The following QKI variants were observed in gnomAD, a reference collection of about 807,000 sequenced individuals.
The protein encoded by QKI is QKI, KH domain containing RNA binding.
A neutral mutation model predicts 39.0 loss-of-function variants in QKI; 10 were observed. That is an observed-to-expected ratio of 0.26 (90% CI 0.16 to 0.43). The LOEUF is 0.43. QKI is among the 20% of genes least tolerant of loss of function. The pLI, the probability that QKI is intolerant of heterozygous loss-of-function variation, is 1.00. For missense variants in QKI, 218 were observed against 428.0 expected, an observed-to-expected ratio of 0.51 and a Z score of 4.33; for synonymous variants, 204 against 155.4, an observed-to-expected ratio of 1.31 and a Z score of -2.33.
chr6:163,542,028 A>G (rs1160159137), intron 4 of QKI, among the ~76,000 whole-genome samples: 2 of 152,088 alleles, frequency 1.3e-5, no homozygotes, highest in Non-Finnish European at 2.9e-5. Context: ...CCCAAAAGGC[A>G]CCATACCAGG....
chr6:163,474,678 C>T (rs1792452119), intron 2 of QKI, among the ~76,000 whole-genome samples: 1 of 149,954 alleles, frequency 6.7e-6, no homozygotes, highest in Non-Finnish European at 1.5e-5. Context: ...AATCCTAGCT[C>T]TTTGGGAGGC....
At chr6:163,455,246 G>T (rs1355618504) in intron 1 of QKI, 33 bp from the exon 2 acceptor site, 3 of 1,564,538 alleles carry the variant, frequency 1.9e-6, no homozygotes, top group Admixed American at 1.8e-5. Flanking sequence ...TATTTTTTTT[G>T]TCTAACACAT....
chr6:163,426,897 A>G (rs1264473711), intron 1 of QKI, among the ~76,000 whole-genome samples: 2 of 152,168 alleles, frequency 1.3e-5, no homozygotes, highest in Non-Finnish European at 2.9e-5. Flanking sequence ...CATAGATTCA[A>G]TGTACTTAAG....
Position 163,494,662 on chromosome 6 carries a change from GTTT to G in QKI, c.402+15769_402+15771del, listed in dbSNP as rs1181390071. On this transcript the variant is annotated intron_variant, in intron 3 of 7. Coordinates refer to ENST00000361752, the MANE Select transcript of QKI (RefSeq NM_006775.3). ...GTGTCACGTTTTGGGTTTTTTTTTT[GTTT>G]TTGTTGTTGTTGTTGTTATTGTTGT... Among the ~76,000 whole-genome samples the G allele has an allele frequency of 4.7e-4, 28 of 59,542 alleles. 2 individuals carry two copies. In the South Asian group the frequency reaches 0.011, roughly 24 times the overall value. The allele number at this position is 59,542 out of a possible 152,430, so 39.1% of individuals were successfully genotyped here.
chr6:163,486,138 A>G (rs1402346646), intron 3 of QKI, among the ~76,000 whole-genome samples: 2 of 152,188 alleles, frequency 1.3e-5, no homozygotes, highest in Non-Finnish European at 2.9e-5. Flanking sequence ...CACTCTTCCA[A>G]CGGAAATGGA....
intron 2 of QKI, among the ~76,000 whole-genome samples, chr6:163,455,714 A>G (rs1790864769): frequency 6.6e-6 from 1 of 152,212 alleles, no homozygotes; most frequent in Admixed American, 6.5e-5. Context: ...CACCAAGCAC[A>G]ACATTGCTCA....
intron 4 of QKI, among the ~76,000 whole-genome samples, chr6:163,555,035 C>T (rs1285477741): frequency 6.6e-6 from 1 of 152,190 alleles, no homozygotes; most frequent in African/African-American, 2.4e-5. Flanking sequence ...TAATTGGCAT[C>T]AAAATTCTTC....
At chr6:163,417,980 T>C (rs3763197) in intron 1 of QKI, among the ~76,000 whole-genome samples, 22,021 of 151,508 alleles carry the variant, frequency 0.15, 2,181 homozygotes, top group Admixed American at 0.33. Context: ...GTCCATCACA[T>C]TTTTTTTTCT....
At chr6:163,488,329 CAAAAAA>C (rs1278631126) in intron 3 of QKI, among the ~76,000 whole-genome samples, 12 of 146,796 alleles carry the variant, frequency 8.2e-5, no homozygotes, top group Middle Eastern at 3.5e-3. Flanking sequence ...CAAAAAGTGA[CAAAAAA>C]AAAGAGAGAG....
intron 4 of QKI, among the ~76,000 whole-genome samples, chr6:163,540,108 C>CTT (rs148682534): frequency 5.4e-5 from 8 of 148,152 alleles, no homozygotes; most frequent in East Asian, 2.0e-4. Flanking sequence ...TGAATAAGTT[C>CTT]TTTTTTTTTG....
At chr6:163,441,756 T>C (rs150145488) in intron 1 of QKI, among the ~76,000 whole-genome samples, 1 of 152,274 alleles carries the variant, frequency 6.6e-6, no homozygotes, top group East Asian at 1.9e-4. Context: ...GGAAAAGCTT[T>C]CCAAGGCAGG....
At chr6:163,529,541 ATAAAAG>A (rs1780721934) in intron 3 of QKI, among the ~76,000 whole-genome samples, 1 of 152,130 alleles carries the variant, frequency 6.6e-6, no homozygotes, top group Admixed American at 6.5e-5. Flanking sequence ...AAAAAAAGAA[ATAAAAG>A]TAAATATTAA....
intron 1 of QKI, among the ~76,000 whole-genome samples, chr6:163,433,824 C>T (rs1265717405): frequency 4.6e-5 from 7 of 151,826 alleles, no homozygotes; most frequent in African/African-American, 1.7e-4. Flanking sequence ...AAAATGCTAC[C>T]TATAAGGTTA....
At chr6:163,498,897 G>C (rs1018987007) in intron 3 of QKI, among the ~76,000 whole-genome samples, 2 of 151,990 alleles carry the variant, frequency 1.3e-5, no homozygotes, top group Non-Finnish European at 2.9e-5. Flanking sequence ...GGTTTTTTTG[G>C]ATTTTGGAAT....
At chr6:163,428,739 A>G (rs1209824102) in intron 1 of QKI, among the ~76,000 whole-genome samples, 2 of 117,574 alleles carry the variant, frequency 1.7e-5, no homozygotes, top group Non-Finnish European at 3.4e-5. Flanking sequence ...TAGTTCAGTT[A>G]TATTGAGCTT....
intron 1 of QKI, among the ~76,000 whole-genome samples, chr6:163,436,133 A>G (rs779970316): frequency 3.3e-5 from 5 of 152,242 alleles, no homozygotes; most frequent in African/African-American, 7.2e-5. Context: ...ATTTGTGGCT[A>G]TTGGAAACAT....
chr6:163,461,777 GC>G (rs1791370876), intron 2 of QKI, among the ~76,000 whole-genome samples: 1 of 152,172 alleles, frequency 6.6e-6, no homozygotes, highest in Non-Finnish European at 1.5e-5. Context: ...ATTTGAGAGA[GC>G]AGTGTCTCCG....
At chr6:163,446,489 C>T (rs1329745901) in intron 1 of QKI, among the ~76,000 whole-genome samples, 1 of 152,118 alleles carries the variant, frequency 6.6e-6, no homozygotes, top group Non-Finnish European at 1.5e-5. Context: ...CTTGCTGTTG[C>T]ATCTTCTTCG....
intron 1 of QKI, 194 bp from the exon 2 acceptor site, chr6:163,455,085 T>A: frequency 2.5e-6 from 1 of 395,558 alleles, no homozygotes; most frequent in East Asian, 3.8e-5. Context: ...AATTGGTTTG[T>A]AGTAGAAATT....
Sources: gnomAD v4.1 joint callset for allele counts (sites outside exome capture counted in the v4.1 genomes callset) on GRCh38, gnomAD v4.1.1 for gene constraint, MANE v1.5 for transcripts, NCBI Gene and HGNC (gene_info 2026-07-23, HGNC 2026-07-21) for gene names.